Variants in MAP2 observed in about 807,000 individuals in gnomAD.
The protein encoded by MAP2 is microtubule associated protein 2.
MAP2 carries 14 observed loss-of-function variants against 137.6 expected under a neutral mutation model. The ratio of observed to expected loss-of-function variants is 0.10; its 90% CI spans 0.07 to 0.16. The LOEUF (loss-of-function observed/expected upper bound fraction) is 0.16, where lower values mean the gene tolerates loss of function less well. Among genes scored for constraint, MAP2 ranks in the 10% least tolerant of loss-of-function variants. The pLI, the probability that MAP2 is intolerant of heterozygous loss-of-function variation, is 1.00. For missense variants in MAP2, 2,088 were observed against 2,191.5 expected (o/e 0.95, Z 0.94); for synonymous variants, 786 against 782.3 (o/e 1.00, Z -0.08).
intron 1 of MAP2, among the ~76,000 whole-genome samples, chr2:209,466,637 G>A (rs1042431764): frequency 5.9e-5 from 9 of 152,134 alleles, no homozygotes; most frequent in Non-Finnish European, 1.2e-4. Context: ...AAGAGGTAAT[G>A]GAGCAAAGAT....
chr2:209,521,178 G>A (rs1388466723), intron 2 of MAP2, among the ~76,000 whole-genome samples: 3 of 151,914 alleles, frequency 2.0e-5, no homozygotes, highest in African/African-American at 2.4e-5. Context: ...GCACCACATC[G>A]TGCCAAGAAG....
At chr2:209,660,954 C>T (rs1287544194) in intron 5 of MAP2, among the ~76,000 whole-genome samples, 4 of 148,672 alleles carry the variant, frequency 2.7e-5, no homozygotes, top group Non-Finnish European at 4.5e-5. Context: ...CTGTGTTATC[C>T]AGGATGGTCT....
intron 1 of MAP2, among the ~76,000 whole-genome samples, chr2:209,486,725 T>C (rs1415008208): frequency 6.6e-6 from 1 of 152,226 alleles, no homozygotes; most frequent in East Asian, 1.9e-4. Context: ...TAAGATTGTT[T>C]ATAGGTGAAT....
At chr2:209,572,572 T>G (rs1375480461) in intron 2 of MAP2, among the ~76,000 whole-genome samples, 1 of 152,098 alleles carries the variant, frequency 6.6e-6, no homozygotes, top group Non-Finnish European at 1.5e-5. Flanking sequence ...CTAGTAAACT[T>G]AAATGAAATA....
chr2:209,667,168 C>A (rs1047838691), intron 5 of MAP2, among the ~76,000 whole-genome samples: 3 of 151,792 alleles, frequency 2.0e-5, no homozygotes, highest in African/African-American at 7.3e-5. Flanking sequence ...GTATTAAAAC[C>A]ATACTTCTCT....
At chr2:209,451,494 G>C (rs963480571) in intron 1 of MAP2, among the ~76,000 whole-genome samples, 1 of 152,162 alleles carries the variant, frequency 6.6e-6, no homozygotes, top group South Asian at 2.1e-4. Flanking sequence ...CTGTGGTGGG[G>C]TCTGTTTACA....
chr2:209,726,828 GA>G (rs2074238537), intron 14 of MAP2, among the ~76,000 whole-genome samples: 1 of 152,128 alleles, frequency 6.6e-6, no homozygotes, highest in Non-Finnish European at 1.5e-5. Context: ...TAATTTTCTT[GA>G]GAATATTTTG....
chr2:209,529,924 G>C (rs948879259), intron 2 of MAP2, among the ~76,000 whole-genome samples: 5 of 124,932 alleles, frequency 4.0e-5, no homozygotes, highest in African/African-American at 1.2e-4. Flanking sequence ...GATTGTAGAG[G>C]AGAAACAAAC....
At chr2:209,433,643 A>C (rs936136923) in intron 1 of MAP2, among the ~76,000 whole-genome samples, 3 of 152,106 alleles carry the variant, frequency 2.0e-5, no homozygotes, top group African/African-American at 7.2e-5. Flanking sequence ...TCTGTATCTT[A>C]TTTGCTAATG....
intron 12 of MAP2, among the ~76,000 whole-genome samples, chr2:209,706,912 A>G (rs1007958439): frequency 2.0e-5 from 3 of 152,136 alleles, no homozygotes; most frequent in Non-Finnish European, 4.4e-5. Flanking sequence ...GCATCCTTTG[A>G]AATATGTGTT....
At chr2:209,719,211 CAGAT>C (rs1392676252) in intron 13 of MAP2, among the ~76,000 whole-genome samples, 2 of 152,118 alleles carry the variant, frequency 1.3e-5, no homozygotes, top group Non-Finnish European at 2.9e-5. Flanking sequence ...TGATACAACT[CAGAT>C]GGAGGAAGAG....
intron 3 of MAP2, among the ~76,000 whole-genome samples, chr2:209,591,391 A>G (rs1451529330): frequency 1.3e-5 from 2 of 152,228 alleles, no homozygotes; most frequent in African/African-American, 2.4e-5. Context: ...CACAATGACA[A>G]TAATGCCCAA....
intron 6 of MAP2, among the ~76,000 whole-genome samples, chr2:209,679,580 CATG>C (rs374826773): frequency 1.3e-5 from 2 of 151,890 alleles, no homozygotes; most frequent in Admixed American, 6.6e-5. Flanking sequence ...CTAATATATC[CATG>C]ATATTTGATT....
At chr2:209,429,023 G>C (rs1693438320) in intron 1 of MAP2, among the ~76,000 whole-genome samples, 1 of 151,720 alleles carries the variant, frequency 6.6e-6, no homozygotes, top group Admixed American at 6.6e-5. Flanking sequence ...GCGCCATCTC[G>C]GCTCACTGCA....
At chr2:209,713,537 A>T (rs963755723) in intron 13 of MAP2, among the ~76,000 whole-genome samples, 1 of 152,210 alleles carries the variant, frequency 6.6e-6, no homozygotes, top group African/African-American at 2.4e-5. Flanking sequence ...TTCAGTGTAG[A>T]TAATTAGCTT....
At chr2:209,595,342 C>T (rs896058280) in intron 3 of MAP2, among the ~76,000 whole-genome samples, 4 of 152,066 alleles carry the variant, frequency 2.6e-5, no homozygotes, top group African/African-American at 7.2e-5. Context: ...TTTTATCTGG[C>T]TTCAGTTAAT....
intron 13 of MAP2, among the ~76,000 whole-genome samples, chr2:209,719,180 C>G (rs550733166): frequency 1.3e-5 from 2 of 152,212 alleles, no homozygotes; most frequent in South Asian, 4.2e-4. Context: ...GTTCACTCCC[C>G]CTTCTCAAAA....
intron 1 of MAP2, among the ~76,000 whole-genome samples, chr2:209,466,873 G>A (rs1342755901): frequency 1.3e-5 from 2 of 152,114 alleles, no homozygotes; most frequent in Non-Finnish European, 1.5e-5. Context: ...GGATGAGAGG[G>A]ACTGAAGACT....
intron 2 of MAP2, among the ~76,000 whole-genome samples, chr2:209,573,403 C>T (rs1181334934): frequency 6.7e-6 from 1 of 149,664 alleles, no homozygotes; most frequent in Non-Finnish European, 1.5e-5. Flanking sequence ...AAGCAATTCT[C>T]CTGCCTTAGC....
Sources: allele counts gnomAD v4.1 joint callset (sites outside exome capture counted in the v4.1 genomes callset), GRCh38; gene constraint gnomAD v4.1.1; transcripts MANE v1.5; gene names NCBI Gene and HGNC (gene_info 2026-07-23, HGNC 2026-07-21).